Variants in APOH observed in about 807,000 individuals in gnomAD.
APOH encodes the protein beta-2-glycoprotein 1.
In APOH, 48 loss-of-function variants were observed where a neutral mutation model predicts 39.8. The ratio of observed to expected loss-of-function variants is 1.21; its 90% CI spans 0.96 to 1.54. The LOEUF is 1.54. APOH is among the 40% of genes most tolerant of loss of function. The pLI, the probability that APOH is intolerant of heterozygous loss-of-function variation, is 0.00. For synonymous variants in APOH, 153 were observed against 151.1 expected (o/e 1.01, Z -0.09); for missense variants, 415 against 421.2 (o/e 0.99, Z 0.13).
intron 4 of APOH, among the ~76,000 whole-genome samples, chr17:66,223,149 C>T (rs552302304): frequency 5.9e-5 from 9 of 152,284 alleles, no homozygotes; most frequent in South Asian, 4.1e-4. Context: ...CTTTCCTCCT[C>T]GTCTGTCCCG....
chr17:66,219,955 A>G (rs1356649251), intron 5 of APOH, among the ~76,000 whole-genome samples: 3 of 152,192 alleles, frequency 2.0e-5, no homozygotes, highest in African/African-American at 7.2e-5. Flanking sequence ...AAACTTTATA[A>G]TTTGTCTGTT....
rs745569863 is a variant in APOH, at chr17:66,216,979, A to C, written c.605-12T>G. Reference sequence around the variant, plus strand: ...TGGGCATTTTACTTCTAAAACATTTATTCAATAAGACATATTAGTAATAAA... The same window carrying C: ...TGGGCATTTTACTTCTAAAACATTTCTTCAATAAGACATATTAGTAATAAA... On this transcript the variant is annotated splice_polypyrimidine_tract_variant and intron_variant, in intron 5 of 7. Transcript: ENST00000205948. 3.3e-5 allele frequency: 52 copies of C among 1,576,398 alleles called. No homozygotes were observed. Among genetic ancestry groups the C allele is most frequent in the Admixed American group, 5.6e-5 (3 of 53,504 alleles).
intron 6 of APOH, 143 bp downstream of exon 6, chr17:66,216,645 G>T: frequency 1.4e-6 from 1 of 712,624 alleles, no homozygotes; most frequent in Non-Finnish European, 2.3e-6. Context: ...CCATGCACCT[G>T]TGAGTCCTGA....
chr17:66,212,963 T>C (rs189447323), intron 7 of APOH, among the ~76,000 whole-genome samples: 2 of 152,384 alleles, frequency 1.3e-5, no homozygotes, highest in South Asian at 2.1e-4. Context: ...TTTTGAATAA[T>C]GGCAATTTAT....
At chr17:66,227,178 C>A (rs1188191781) in intron 2 of APOH, among the ~76,000 whole-genome samples, 2 of 152,180 alleles carry the variant, frequency 1.3e-5, no homozygotes, top group East Asian at 1.9e-4. Context: ...GCCACCGCAC[C>A]TGGCCCTGAT....
intron 1 of APOH, among the ~76,000 whole-genome samples, chr17:66,228,922 T>A (rs2073456363): frequency 6.6e-6 from 1 of 151,758 alleles, no homozygotes; most frequent in Non-Finnish European, 1.5e-5. Context: ...AACCTCTGCC[T>A]CCCAGGTTCA....
chr17:66,227,525 G>A (rs141355881), intron 2 of APOH, among the ~76,000 whole-genome samples: 12 of 152,046 alleles, frequency 7.9e-5, no homozygotes, highest in Admixed American at 2.6e-4. Context: ...TATATTTTAC[G>A]TTATATTATT....
intron 5 of APOH, among the ~76,000 whole-genome samples, chr17:66,218,828 A>G (rs1237719794): frequency 6.6e-6 from 1 of 151,900 alleles, no homozygotes; most frequent in Non-Finnish European, 1.5e-5. Context: ...TGGCCAACAC[A>G]GTGAAATCCC....
chr17:66,228,219 T>C (rs778073899), intron 1 of APOH, 23 bp from the exon 2 acceptor site: 10 of 1,599,584 alleles, frequency 6.3e-6, no homozygotes, highest in African/African-American at 4.0e-5. Context: ...ACAAAGCAGA[T>C]GGTTAACAAA....
At chr17:66,225,787 G>T (rs906895531) in intron 3 of APOH, among the ~76,000 whole-genome samples, 1 of 151,920 alleles carries the variant, frequency 6.6e-6, no homozygotes, top group African/African-American at 2.4e-5. Context: ...TGAGGCAGGA[G>T]AATGGTGTGA....
chr17:66,216,744 T>C, intron 6 of APOH, 44 bp downstream of exon 6: 1 of 1,497,774 alleles, frequency 6.7e-7, no homozygotes, highest in South Asian at 1.4e-5. Flanking sequence ...TGATCCACTG[T>C]ATCAATTCAG....
At chr17:66,213,270 C>G (rs2073345885) in intron 7 of APOH, among the ~76,000 whole-genome samples, 1 of 152,232 alleles carries the variant, frequency 6.6e-6, no homozygotes, top group Admixed American at 6.5e-5. Context: ...CATTTCAACC[C>G]TAAATCTGAA....
chr17:66,229,209 T>C, intron 1 of APOH, 107 bp downstream of exon 1: 1 of 874,026 alleles, frequency 1.1e-6, no homozygotes, highest in South Asian at 1.7e-5. Context: ...AGTGCTGAGA[T>C]TACAGATGTG....
In APOH at chr17:66,216,916, G is replaced by A. The variant is rs887805592; in HGVS notation, c.656C>T (p.Pro219Leu). 2.5e-6 allele frequency: 4 copies of A among 1,611,558 alleles called. No homozygotes were observed. The highest frequency in any genetic ancestry group is 2.5e-6 in the Non-Finnish European group (3 of 1,179,146). Residue 219 changes from proline to leucine, a missense_variant, in exon 6 of 8, where the codon CCT (proline) becomes CTT (leucine). Physicochemically the swap from Pro to Leu is moderately conservative, Grantham distance 98. Coordinates refer to ENST00000205948, the MANE Select transcript of APOH (RefSeq NM_000042.3). The stretch of plus-strand genomic sequence containing the variant: ...CTTGTAATAAAGTGTTGGTTTTGCA[G>A]GATAGTTCACAAATCCATTGTCTGG... ...SRPDNGFVNYPAKPTLYYKDK... is the reference protein window; with the variant it reads ...SRPDNGFVNYLAKPTLYYKDK...
At chr17:66,227,444 T>A (rs1231730632) in intron 2 of APOH, among the ~76,000 whole-genome samples, 1 of 152,192 alleles carries the variant, frequency 6.6e-6, no homozygotes, top group African/African-American at 2.4e-5. Flanking sequence ...AATGCTAGCA[T>A]GATATCATAG....
intron 2 of APOH, 148 bp from the exon 3 acceptor site, chr17:66,226,272 T>C (rs2073439001): frequency 3.2e-6 from 2 of 622,874 alleles, no homozygotes; most frequent in South Asian, 4.3e-5. Flanking sequence ...GTAACTATTC[T>C]AAGAAAGCAA....
chr17:66,220,804 C>CA, intron 4 of APOH, 62 bp from the exon 5 acceptor site: 1 of 1,434,066 alleles, frequency 7.0e-7, no homozygotes, highest in Non-Finnish European at 9.4e-7. Flanking sequence ...TATACTCTTT[C>CA]CAGAAAGAAA....
At chr17:66,228,834 C>CTTA (rs905027222) in intron 1 of APOH, among the ~76,000 whole-genome samples, 2 of 149,868 alleles carry the variant, frequency 1.3e-5, no homozygotes, top group African/African-American at 2.4e-5. Flanking sequence ...TATTCTTCTT[C>CTTA]TTATTATTAT....
chr17:66,222,701 G>T (rs2146996601), intron 4 of APOH, among the ~76,000 whole-genome samples: 1 of 149,400 alleles, frequency 6.7e-6, no homozygotes, highest in East Asian at 2.0e-4. Context: ...CCTCCCAATT[G>T]GCTGGGATTA....
Sources: gnomAD v4.1 joint callset for allele counts (sites outside exome capture counted in the v4.1 genomes callset) on GRCh38, gnomAD v4.1.1 for gene constraint, MANE v1.5 for transcripts, NCBI Gene and HGNC (gene_info 2026-07-23, HGNC 2026-07-21) for gene names.